Variants in GPC5 observed in about 807,000 individuals in gnomAD.
GPC5 encodes glypican-5.
In GPC5, 47 loss-of-function variants were observed where a neutral mutation model predicts 53.9. That is an observed-to-expected ratio of 0.87 (90% CI 0.69 to 1.11). The LOEUF (loss-of-function observed/expected upper bound fraction) is 1.11. Among genes scored for constraint, GPC5 ranks in the 50% most tolerant of loss-of-function variants. The pLI is 0.00. For missense variants in GPC5, 748 were observed against 713.1 expected, an observed-to-expected ratio of 1.05 and a Z score of -0.56; for synonymous variants, 286 against 263.3, an observed-to-expected ratio of 1.09 and a Z score of -0.84.
chr13:92,709,889 G>T (rs866481553), intron 7 of GPC5, among the ~76,000 whole-genome samples: 6 of 152,288 alleles, frequency 3.9e-5, no homozygotes, highest in South Asian at 2.1e-4. Context: ...CTTGGCCATA[G>T]CTCCTCTTCT....
intron 6 of GPC5, among the ~76,000 whole-genome samples, chr13:91,988,935 C>T (rs2040433057): frequency 6.6e-6 from 1 of 151,882 alleles, no homozygotes; most frequent in African/African-American, 2.4e-5. Flanking sequence ...GGGAGGCAGG[C>T]AGGGCAAGTA....
chr13:92,447,771 C>T (rs1877888210), intron 7 of GPC5: 1 of 151,986 alleles, frequency 6.6e-6, no homozygotes, highest in Admixed American at 6.6e-5. Flanking sequence ...AAAAAGGCCA[C>T]CTTGCAGGGC....
intron 7 of GPC5, among the ~76,000 whole-genome samples, chr13:92,626,513 T>C (rs1045782302): frequency 6.6e-6 from 1 of 152,176 alleles, no homozygotes; most frequent in Non-Finnish European, 1.5e-5. Context: ...CTAAAGAGGA[T>C]TGTAAGCAGG....
intron 2 of GPC5, among the ~76,000 whole-genome samples, chr13:91,549,629 A>C (rs547772169): frequency 1.3e-5 from 2 of 152,340 alleles, no homozygotes; most frequent in East Asian, 1.9e-4. Flanking sequence ...CAAAGAAGGC[A>C]TACAGATGAC....
At chr13:91,716,957 TGAG>T (rs765284666) in intron 3 of GPC5, among the ~76,000 whole-genome samples, 14 of 152,326 alleles carry the variant, frequency 9.2e-5, no homozygotes, top group East Asian at 7.7e-4. Flanking sequence ...TGGTAGTTAC[TGAG>T]AACAACTGTA....
chr13:91,958,584 T>C (rs1385634468), intron 6 of GPC5, among the ~76,000 whole-genome samples: 4 of 152,062 alleles, frequency 2.6e-5, no homozygotes, highest in Non-Finnish European at 4.4e-5. Context: ...ATTCTTCTCA[T>C]TGGCACATGG....
At chr13:92,300,407 C>A (rs1276485607) in intron 7 of GPC5, among the ~76,000 whole-genome samples, 1 of 152,162 alleles carries the variant, frequency 6.6e-6, no homozygotes, top group Non-Finnish European at 1.5e-5. Flanking sequence ...GCTCCATCAT[C>A]AGTATTTGGT....
intron 4 of GPC5, among the ~76,000 whole-genome samples, chr13:91,748,674 G>T (rs1015399211): frequency 5.9e-5 from 9 of 152,154 alleles, no homozygotes; most frequent in Non-Finnish European, 1.2e-4. Flanking sequence ...ATACTAGAGA[G>T]CAAGGGCTAT....
At chr13:92,848,508 GGAATA>G (rs1878682773) in intron 7 of GPC5, among the ~76,000 whole-genome samples, 1 of 151,856 alleles carries the variant, frequency 6.6e-6, no homozygotes, top group Non-Finnish European at 1.5e-5. Context: ...ATAAGCCCTA[GGAATA>G]GAAAACAAAA....
chr13:91,587,281 A>G (rs958643242), intron 2 of GPC5, among the ~76,000 whole-genome samples: 2 of 152,196 alleles, frequency 1.3e-5, no homozygotes, highest in Non-Finnish European at 2.9e-5. Context: ...ACAGAGTATA[A>G]GTATACAACT....
intron 7 of GPC5, among the ~76,000 whole-genome samples, chr13:92,319,405 G>T (rs1273127751): frequency 1.0e-5 from 1 of 100,218 alleles, no homozygotes; most frequent in Non-Finnish European, 1.9e-5. Context: ...ATGCATCTCT[G>T]AAACTAAAAA....
In GPC5 at chr13:92,763,250, G is replaced by A. The variant is rs111503134; in HGVS notation, c.1562-103032G>A. 3.7e-3 allele frequency among the ~76,000 whole-genome samples: 567 copies of A among 152,258 alleles called. 3 individuals carry two copies. The highest frequency in any genetic ancestry group is 0.01 in the Middle Eastern group (3 of 294). On this transcript the variant is annotated intron_variant, in intron 7 of 7. Transcript: ENST00000377067. Reference sequence around the variant, plus strand: ...AATCATCTCTTCCAAACTTTATAGAGTGTCCTTCACATGAATGATTTTTAT... The same window carrying A: ...AATCATCTCTTCCAAACTTTATAGAATGTCCTTCACATGAATGATTTTTAT...
At chr13:91,612,065 T>C (rs990671060) in intron 2 of GPC5, among the ~76,000 whole-genome samples, 1 of 152,192 alleles carries the variant, frequency 6.6e-6, no homozygotes, top group East Asian at 1.9e-4. Flanking sequence ...TCATTTTGCC[T>C]CTAGTTATCA....
intron 1 of GPC5, among the ~76,000 whole-genome samples, chr13:91,434,624 G>A (rs1879766505): frequency 6.6e-6 from 1 of 152,194 alleles, no homozygotes; most frequent in African/African-American, 2.4e-5. Flanking sequence ...ATAGTTTGAA[G>A]TCAGGTAGCA....
chr13:92,220,446 C>T (rs1277569331), intron 7 of GPC5, among the ~76,000 whole-genome samples: 5 of 151,976 alleles, frequency 3.3e-5, no homozygotes, highest in South Asian at 4.2e-4. Context: ...GTAAGTTGGG[C>T]GTAAAATCTA....
chr13:92,526,585 A>C (rs572210270), intron 7 of GPC5, among the ~76,000 whole-genome samples: 1 of 152,178 alleles, frequency 6.6e-6, no homozygotes, highest in South Asian at 2.1e-4. Flanking sequence ...AAGACATAGA[A>C]GGATTTTAAA....
chr13:92,368,326 C>T (rs997041006), intron 7 of GPC5, among the ~76,000 whole-genome samples: 3 of 151,252 alleles, frequency 2.0e-5, no homozygotes, highest in African/African-American at 7.3e-5. Flanking sequence ...AGGCTATACT[C>T]CTAGCCTCAG....
At chr13:91,717,361 G>A (rs138619656) in intron 3 of GPC5, among the ~76,000 whole-genome samples, 2,277 of 152,286 alleles carry the variant, frequency 0.015, 26 homozygotes, top group Non-Finnish European at 0.023. Flanking sequence ...TCAGAACTGT[G>A]CTTTAGGAAG....
chr13:91,611,378 G>T (rs1448186162), intron 2 of GPC5, among the ~76,000 whole-genome samples: 19 of 152,142 alleles, frequency 1.2e-4, no homozygotes. Flanking sequence ...AAAATGTGTA[G>T]CCTGCTTTGC....
Sources: gnomAD v4.1 joint callset for allele counts (sites outside exome capture counted in the v4.1 genomes callset) on GRCh38, gnomAD v4.1.1 for gene constraint, MANE v1.5 for transcripts, NCBI Gene and HGNC (gene_info 2026-07-23, HGNC 2026-07-21) for gene names.